Variants in GFRA1 observed in about 807,000 individuals in gnomAD.
GFRA1 encodes the protein GDNF family receptor alpha 1.
A neutral mutation model predicts 51.6 loss-of-function variants in GFRA1; 16 were observed. That is an observed-to-expected ratio of 0.31 (90% confidence interval 0.21 to 0.47). The LOEUF is 0.47. Among genes scored for constraint, GFRA1 ranks in the 20% least tolerant of loss-of-function variants. The pLI is 1.00. For missense variants in GFRA1, 530 were observed against 594.3 expected (o/e 0.89, Z 1.13); for synonymous variants, 270 against 241.3 (o/e 1.12, Z -1.10).
chr10:116,089,709 G>T (rs1406522718), intron 9 of GFRA1, 32 bp downstream of exon 9: 1 of 1,588,920 alleles, frequency 6.3e-7, no homozygotes, highest in Admixed American at 1.7e-5. Flanking sequence ...CAGGAAGGGA[G>T]CCCCAGCAAG....
intron 4 of GFRA1, among the ~76,000 whole-genome samples, chr10:116,220,093 A>G (rs556550808): frequency 1.1e-4 from 16 of 152,210 alleles, no homozygotes; most frequent in Non-Finnish European, 2.2e-4. Context: ...TGCATGCTAA[A>G]TTACATTCAC....
At chr10:116,138,645 G>T (rs918331651) in intron 5 of GFRA1, among the ~76,000 whole-genome samples, 1 of 38,520 alleles carries the variant, frequency 2.6e-5, no homozygotes, top group East Asian at 1.0e-3. Context: ...ACCCCCCCCC[G>T]ACCCACCCAA....
intron 7 of GFRA1, among the ~76,000 whole-genome samples, chr10:116,096,435 G>A (rs539236060): frequency 2.0e-5 from 3 of 151,686 alleles, no homozygotes; most frequent in Non-Finnish European, 2.9e-5. Context: ...AGTAATCCCC[G>A]CTTCCTGCCT....
At chr10:116,180,312 T>A (rs1459760044) in intron 5 of GFRA1, among the ~76,000 whole-genome samples, 1 of 152,268 alleles carries the variant, frequency 6.6e-6, no homozygotes, top group South Asian at 2.1e-4. Flanking sequence ...TGTGAGGACA[T>A]AAATACAAGC....
At chr10:116,239,453 G>C (rs543481764) in intron 4 of GFRA1, among the ~76,000 whole-genome samples, 8 of 152,244 alleles carry the variant, frequency 5.3e-5, no homozygotes, top group Middle Eastern at 3.4e-3. Context: ...TGGAAATTTT[G>C]TTATTGATCT....
intron 8 of GFRA1, among the ~76,000 whole-genome samples, chr10:116,091,063 T>C (rs1281220924): frequency 6.6e-6 from 1 of 152,122 alleles, no homozygotes; most frequent in African/African-American, 2.4e-5. Flanking sequence ...AGGGACCAGT[T>C]CCCTTAAATG....
intron 5 of GFRA1, among the ~76,000 whole-genome samples, chr10:116,129,947 G>A (rs1958036828): frequency 6.6e-6 from 1 of 151,548 alleles, no homozygotes. Context: ...AAAATGTGAT[G>A]CCTTGATATA....
intron 5 of GFRA1, among the ~76,000 whole-genome samples, chr10:116,128,993 A>G (rs992082445): frequency 6.6e-6 from 1 of 152,176 alleles, no homozygotes; most frequent in Non-Finnish European, 1.5e-5. Flanking sequence ...TCATCTATAT[A>G]TAACTCTTGC....
At chr10:116,126,236 T>C (rs1414112897) in intron 5 of GFRA1, among the ~76,000 whole-genome samples, 1 of 152,168 alleles carries the variant, frequency 6.6e-6, no homozygotes, top group African/African-American at 2.4e-5. Context: ...AGTACTGAGG[T>C]TCTAGATTAG....
Position 116,196,656 on chromosome 10 carries a change from ATAG to A in GFRA1, c.433+14972_433+14974del, listed in dbSNP as rs1565643687. ...ATATAGTACTATATATAATATATAT[ATAG>A]TACTATATATAATATATATAATATA... On this transcript the variant is annotated intron_variant, in intron 5 of 10. Coordinates refer to ENST00000355422, the MANE Select transcript of GFRA1 (RefSeq NM_005264.8). Among the ~76,000 whole-genome samples the A allele has an allele frequency of 1.4e-4, 9 of 66,594 alleles. 1 individual carries two copies. The highest frequency in any genetic ancestry group is 3.6e-4 in the African/African-American group (6 of 16,504). 43.7% of individuals were successfully genotyped at this position (66,594 alleles called of 152,430 possible). A position where few individuals can be genotyped will look rare whatever the true frequency, so the allele number is the denominator to read the frequency against.
At chr10:116,210,728 T>C (rs934182303) in intron 5 of GFRA1, among the ~76,000 whole-genome samples, 8 of 152,178 alleles carry the variant, frequency 5.3e-5, no homozygotes, top group Admixed American at 2.6e-4. Flanking sequence ...CCTGTAAGAT[T>C]ATTTGGAAGC....
chr10:116,106,690 G>A (rs970200697), intron 6 of GFRA1, among the ~76,000 whole-genome samples: 19 of 151,624 alleles, frequency 1.3e-4, no homozygotes, highest in African/African-American at 4.6e-4. Context: ...AATACTTTCG[G>A]ACTCTCAAAG....
intron 4 of GFRA1, among the ~76,000 whole-genome samples, chr10:116,264,992 C>T (rs1969552760): frequency 6.6e-6 from 1 of 152,182 alleles, no homozygotes; most frequent in African/African-American, 2.4e-5. Context: ...AACATGTAGA[C>T]TTTGTGATAA....
intron 4 of GFRA1, among the ~76,000 whole-genome samples, chr10:116,227,900 C>T (rs1966413232): frequency 6.6e-6 from 1 of 152,298 alleles, no homozygotes. Context: ...TGATATACCA[C>T]AATCTCTGCC....
chr10:116,261,148 A>G (rs1205597783), intron 4 of GFRA1, among the ~76,000 whole-genome samples: 3 of 152,082 alleles, frequency 2.0e-5, no homozygotes, highest in Non-Finnish European at 4.4e-5. Flanking sequence ...CTAAGGGGGG[A>G]GCACAGATTT....
At position 116,254,276 on chromosome 10, in the gene GFRA1, C is replaced by T. The variant is rs201144483; in HGVS notation, c.418+15227G>A. Among the ~76,000 whole-genome samples the T allele has an allele frequency of 4.3e-5, 6 of 137,984 alleles. No homozygotes were observed. The East Asian group carries it at 6.5e-4, about 15-fold the overall frequency. The allele number at this position is 137,984 out of a possible 152,430, so 90.5% of individuals were successfully genotyped here. A position where few individuals can be genotyped will look rare whatever the true frequency, so the allele number is the denominator to read the frequency against. Reference sequence around the variant, plus strand: ...GGCAGAGGCTGCAGTGAGCCAAGATCGTGCCACTGCATTCCAGCCTGAGCA... The same window carrying T: ...GGCAGAGGCTGCAGTGAGCCAAGATTGTGCCACTGCATTCCAGCCTGAGCA... On this transcript the variant is annotated intron_variant, in intron 4 of 10. Coordinates refer to ENST00000355422, the MANE Select transcript of GFRA1 (RefSeq NM_005264.8).
chr10:116,256,240 G>A (rs1050119063), intron 4 of GFRA1, among the ~76,000 whole-genome samples: 1 of 152,134 alleles, frequency 6.6e-6, no homozygotes, highest in Non-Finnish European at 1.5e-5. Flanking sequence ...AAACCCAAGT[G>A]TGCTCAACTC....
intron 2 of GFRA1, among the ~76,000 whole-genome samples, chr10:116,271,338 C>T (rs911730921): frequency 3.9e-5 from 6 of 152,128 alleles, no homozygotes; most frequent in East Asian, 1.9e-4. Context: ...AAGAGTGGCG[C>T]AGGCTCAGCC....
chr10:116,146,934 C>G (rs937524350), intron 5 of GFRA1, among the ~76,000 whole-genome samples: 17 of 152,124 alleles, frequency 1.1e-4, no homozygotes, highest in African/African-American at 4.1e-4. Context: ...AAGGGAGGTG[C>G]CACAATCTTA....
Sources: allele counts gnomAD v4.1 joint callset (sites outside exome capture counted in the v4.1 genomes callset), GRCh38; gene constraint gnomAD v4.1.1; transcripts MANE v1.5; gene names NCBI Gene and HGNC (gene_info 2026-07-23, HGNC 2026-07-21).